The following CSMD1 variants were observed in gnomAD, a reference collection of about 807,000 sequenced individuals.
CSMD1 encodes the protein CUB and Sushi multiple domains 1.
Under a neutral mutation model 417.5 loss-of-function variants are expected in CSMD1, and 213 were observed. The observed-to-expected ratio is 0.51, with a 90% CI of 0.46 to 0.57. The LOEUF (loss-of-function observed/expected upper bound fraction) is 0.57, where lower values mean the gene tolerates loss of function less well. CSMD1 is among the 20% of genes least tolerant of loss of function. The pLI, the probability that CSMD1 is intolerant of heterozygous loss-of-function variation, is 0.00. For synonymous variants in CSMD1, 2,862 were observed against 1,736.8 expected (o/e 1.65, Z -16.11); for missense variants, 6,923 against 4,529.7 (o/e 1.53, Z -15.17).
intron 41 of CSMD1, among the ~76,000 whole-genome samples, chr8:3,137,001 G>T (rs997732652): frequency 6.6e-6 from 1 of 151,874 alleles, no homozygotes; most frequent in Non-Finnish European, 1.5e-5. Context: ...TATTCATGGG[G>T]TACATAGTGA....
chr8:3,904,613 C>G (rs1159925531), intron 5 of CSMD1, among the ~76,000 whole-genome samples: 2 of 149,702 alleles, frequency 1.3e-5, no homozygotes, highest in Admixed American at 6.7e-5. Context: ...TTTCCTTTTT[C>G]TCTTTCTTTC....
chr8:3,814,732 T>G lies in CSMD1; in HGVS notation c.819-60690A>C, dbSNP rs115038286. The stretch of plus-strand genomic sequence containing the variant: ...TGATTCTGAAGTAGAAATCTTAACT[T>G]AGGTATGAATCCACAACTTGCATTT... On this transcript the variant is annotated intron_variant, in intron 5 of 69. Coordinates refer to ENST00000635120, the MANE Select transcript of CSMD1 (RefSeq NM_033225.6). Among the ~76,000 whole-genome samples, 633 of 152,242 alleles carry G rather than the reference T, an allele frequency of 4.2e-3. 3 individuals carry two copies. The highest frequency in any genetic ancestry group is 0.015 in the African/African-American group (613 of 41,554).
At chr8:4,282,503 C>A (rs1189402188) in intron 3 of CSMD1, among the ~76,000 whole-genome samples, 1 of 152,270 alleles carries the variant, frequency 6.6e-6, no homozygotes, top group East Asian at 1.9e-4. Context: ...TCGTTATCTC[C>A]CTCTAAGCTT....
chr8:4,443,972 T>C (rs1798630779), intron 2 of CSMD1, among the ~76,000 whole-genome samples: 1 of 152,074 alleles, frequency 6.6e-6, no homozygotes, highest in African/African-American at 2.4e-5. Flanking sequence ...ACCTGTGATA[T>C]GAGGTGAAAA....
intron 3 of CSMD1, among the ~76,000 whole-genome samples, chr8:4,268,976 A>G (rs1372515247): frequency 2.0e-5 from 3 of 152,192 alleles, no homozygotes; most frequent in Non-Finnish European, 2.9e-5. Context: ...TTTTTTCAAT[A>G]TATGAAACAT....
chr8:4,798,881 A>G (rs1585117528), intron 1 of CSMD1, among the ~76,000 whole-genome samples: 1 of 152,342 alleles, frequency 6.6e-6, no homozygotes, highest in Admixed American at 6.5e-5. Flanking sequence ...AAATGAAAAG[A>G]TAAAGTAAGA....
intron 21 of CSMD1, 73 bp downstream of exon 21, chr8:3,359,079 C>T: frequency 1.4e-6 from 2 of 1,477,842 alleles, no homozygotes; most frequent in Non-Finnish European, 1.9e-6. Context: ...CCGACCCCGA[C>T]CACCCTAGGC....
chr8:4,461,832 C>G (rs1799847967), intron 2 of CSMD1, among the ~76,000 whole-genome samples: 1 of 150,492 alleles, frequency 6.6e-6, no homozygotes. Context: ...GCTCCACCTA[C>G]GGGGTTCCCG....
intron 2 of CSMD1, among the ~76,000 whole-genome samples, chr8:4,581,598 G>C (rs925262535): frequency 2.6e-5 from 4 of 152,286 alleles, no homozygotes; most frequent in Admixed American, 2.0e-4. Context: ...CATTTTAGAA[G>C]AGACTATATT....
chr8:4,480,032 A>G (rs1007876367), intron 2 of CSMD1, among the ~76,000 whole-genome samples: 10 of 151,970 alleles, frequency 6.6e-5, no homozygotes, highest in African/African-American at 2.4e-4. Flanking sequence ...TACTTATCCT[A>G]TCATTCTCCC....
chr8:3,704,701 A>C (rs1801067638), intron 7 of CSMD1: 1 of 152,236 alleles, frequency 6.6e-6, no homozygotes, highest in Non-Finnish European at 1.5e-5. Flanking sequence ...GTCATGAGAC[A>C]ATAAGCTTGG....
intron 5 of CSMD1, among the ~76,000 whole-genome samples, chr8:3,833,730 G>C (rs958075552): frequency 1.3e-5 from 2 of 151,996 alleles, no homozygotes; most frequent in African/African-American, 4.8e-5. Flanking sequence ...GTCTATGTTG[G>C]CACTTACATG....
intron 8 of CSMD1, among the ~76,000 whole-genome samples, chr8:3,605,032 G>T (rs1016100338): frequency 6.6e-6 from 1 of 151,982 alleles, no homozygotes; most frequent in African/African-American, 2.4e-5. Context: ...TTCTTTTGAG[G>T]AGTCACTGCT....
intron 7 of CSMD1, among the ~76,000 whole-genome samples, chr8:3,672,822 T>G (rs761600516): frequency 1.3e-5 from 2 of 152,180 alleles, no homozygotes; most frequent in Non-Finnish European, 2.9e-5. Context: ...AGCAGCACAT[T>G]ACCATGGGCA....
chr8:3,796,580 A>G (rs1361666508), intron 5 of CSMD1, among the ~76,000 whole-genome samples: 1 of 146,438 alleles, frequency 6.8e-6, no homozygotes, highest in Non-Finnish European at 1.5e-5. Context: ...TATCTAAGAT[A>G]TAATATATAG....
chr8:3,907,654 G>T (rs1436798863), intron 5 of CSMD1, among the ~76,000 whole-genome samples: 5 of 152,144 alleles, frequency 3.3e-5, no homozygotes, highest in African/African-American at 9.7e-5. Context: ...CTTTCACTTT[G>T]TATTAGGAAG....
intron 2 of CSMD1, among the ~76,000 whole-genome samples, chr8:4,556,645 G>C (rs1298868207): frequency 2.6e-5 from 4 of 152,142 alleles, no homozygotes; most frequent in African/African-American, 2.4e-5. Context: ...GTGTTTAATA[G>C]GATAGTGATA....
chr8:3,801,230 A>G (rs1324195963), intron 5 of CSMD1, among the ~76,000 whole-genome samples: 1 of 152,112 alleles, frequency 6.6e-6, no homozygotes, highest in Non-Finnish European at 1.5e-5. Flanking sequence ...TCTAATAACC[A>G]GAATATATAG....
chr8:2,979,179 T>A (rs995849206), intron 54 of CSMD1, among the ~76,000 whole-genome samples: 2 of 152,210 alleles, frequency 1.3e-5, no homozygotes, highest in African/African-American at 4.8e-5. Context: ...TAGAACAGTC[T>A]GTGGCACACC....
Sources: gnomAD v4.1 joint callset for allele counts (sites outside exome capture counted in the v4.1 genomes callset) on GRCh38, gnomAD v4.1.1 for gene constraint, MANE v1.5 for transcripts, NCBI Gene and HGNC (gene_info 2026-07-23, HGNC 2026-07-21) for gene names.